FAM13A: variants seen among roughly 807,000 people sequenced by gnomAD.
FAM13A encodes family with sequence similarity 13 member A.
In FAM13A, 76 loss-of-function variants were observed where a neutral mutation model predicts 129.6. The ratio of observed to expected loss-of-function variants is 0.59; its 90% confidence interval spans 0.49 to 0.71. The LOEUF is 0.71. Among genes scored for constraint, FAM13A ranks in the 30% least tolerant of loss-of-function variants. The pLI is 0.00. For synonymous variants in FAM13A, 443 were observed against 449.9 expected, an observed-to-expected ratio of 0.98 and a Z score of 0.20; for missense variants, 1,108 against 1,249.3, an observed-to-expected ratio of 0.89 and a Z score of 1.70.
chr4:88,845,370 G>C (rs868724078), intron 7 of FAM13A, among the ~76,000 whole-genome samples: 4 of 152,132 alleles, frequency 2.6e-5, no homozygotes. Flanking sequence ...CTAGGACTGA[G>C]CTCAGGCCTG....
At chr4:89,042,486 G>A (rs552839396) in intron 1 of FAM13A, among the ~76,000 whole-genome samples, 99 of 152,232 alleles carry the variant, frequency 6.5e-4, no homozygotes, top group Admixed American at 1.1e-3. Context: ...AAAGCAGTTC[G>A]TAGATATCTT....
At chr4:88,736,090 G>T (rs984010893) in intron 21 of FAM13A, among the ~76,000 whole-genome samples, 1 of 151,964 alleles carries the variant, frequency 6.6e-6, no homozygotes, top group Admixed American at 6.6e-5. Flanking sequence ...TTTCATTCTT[G>T]GGTGACATTA....
chr4:88,936,525 A>G (rs1390500701), intron 5 of FAM13A: 1 of 152,252 alleles, frequency 6.6e-6, no homozygotes, highest in Non-Finnish European at 1.5e-5. Context: ...TAAGTCATTC[A>G]CGAAGGATCC....
chr4:88,995,767 T>C (rs1346543352), intron 3 of FAM13A, among the ~76,000 whole-genome samples: 2 of 152,174 alleles, frequency 1.3e-5, no homozygotes, highest in African/African-American at 2.4e-5. Flanking sequence ...CAAATACCCA[T>C]CTATTCCATT....
intron 6 of FAM13A, among the ~76,000 whole-genome samples, chr4:88,881,120 C>T (rs949929608): frequency 6.6e-6 from 1 of 152,202 alleles, no homozygotes; most frequent in African/African-American, 2.4e-5. Context: ...CCTATACTGC[C>T]ACAGCTAATG....
At chr4:88,864,363 T>A (rs1447719565) in intron 6 of FAM13A, among the ~76,000 whole-genome samples, 3 of 152,334 alleles carry the variant, frequency 2.0e-5, no homozygotes, top group Middle Eastern at 3.4e-3. Flanking sequence ...TCTTTCAGAG[T>A]TATTAAATCA....
chr4:88,989,186 T>TGTTGA (rs1762631441), intron 4 of FAM13A, among the ~76,000 whole-genome samples: 2 of 147,938 alleles, frequency 1.4e-5, no homozygotes, highest in African/African-American at 5.1e-5. Flanking sequence ...CCAACCTGGG[T>TGTTGA]GACAGAGCCA....
At chr4:88,993,906 G>A (rs1763224453) in intron 3 of FAM13A, among the ~76,000 whole-genome samples, 1 of 151,660 alleles carries the variant, frequency 6.6e-6, no homozygotes, top group South Asian at 2.1e-4. Flanking sequence ...CAGGAGAATC[G>A]CTTGAACCTG....
intron 6 of FAM13A, among the ~76,000 whole-genome samples, chr4:88,865,282 T>C (rs1482920744): frequency 2.0e-5 from 3 of 152,212 alleles, no homozygotes; most frequent in East Asian, 1.9e-4. Context: ...ACCAGTGTGA[T>C]TTCTTAATTA....
intron 6 of FAM13A, among the ~76,000 whole-genome samples, chr4:88,885,192 C>G (rs1213458406): frequency 6.6e-6 from 1 of 152,068 alleles, no homozygotes; most frequent in East Asian, 1.9e-4. Flanking sequence ...AAAAAAGAGC[C>G]TGAATGGCCA....
chr4:88,988,419 T>C (rs1039639123), intron 4 of FAM13A, among the ~76,000 whole-genome samples: 2 of 152,218 alleles, frequency 1.3e-5, no homozygotes, highest in Non-Finnish European at 2.9e-5. Flanking sequence ...ATAATAAGTA[T>C]ATTACGGTTA....
intron 20 of FAM13A, 41 bp downstream of exon 20, chr4:88,738,989 G>C: frequency 6.2e-6 from 8 of 1,284,044 alleles, no homozygotes; most frequent in Non-Finnish European, 6.8e-6. Context: ...CCATTCAAGC[G>C]GAAAGGTGTT....
intron 4 of FAM13A, among the ~76,000 whole-genome samples, chr4:88,945,937 C>T (rs1755668933): frequency 8.8e-6 from 1 of 113,964 alleles, no homozygotes; most frequent in African/African-American, 3.4e-5. Context: ...ATATTATATG[C>T]ATAGTATATT....
chr4:88,893,410 G>T (rs1745696315), intron 6 of FAM13A, among the ~76,000 whole-genome samples: 1 of 152,166 alleles, frequency 6.6e-6, no homozygotes, highest in Non-Finnish European at 1.5e-5. Context: ...GGATCACGAG[G>T]TCATGAGATT....
intron 14 of FAM13A, among the ~76,000 whole-genome samples, chr4:88,756,831 TA>T (rs1278240305): frequency 6.6e-6 from 1 of 151,696 alleles, no homozygotes; most frequent in Non-Finnish European, 1.5e-5. Flanking sequence ...AATAAGTACA[TA>T]AGCTTAAAAA....
intron 3 of FAM13A, among the ~76,000 whole-genome samples, chr4:89,008,309 A>G (rs918562181): frequency 6.6e-6 from 1 of 152,204 alleles, no homozygotes; most frequent in Non-Finnish European, 1.5e-5. Flanking sequence ...TGAGGCCACA[A>G]GGGTTGGCTC....
intron 4 of FAM13A, among the ~76,000 whole-genome samples, chr4:88,983,920 T>C (rs971551397): frequency 6.6e-6 from 1 of 152,154 alleles, no homozygotes; most frequent in Non-Finnish European, 1.5e-5. Flanking sequence ...AGCTATAGAA[T>C]TATCAAAATA....
At chr4:88,930,966 A>G (rs549003503) in intron 5 of FAM13A, among the ~76,000 whole-genome samples, 15 of 152,160 alleles carry the variant, frequency 9.9e-5, no homozygotes, top group Non-Finnish European at 2.2e-4. Flanking sequence ...TGTTGCCTCA[A>G]ACTTGGCTTA....
chr4:88,728,280 T>G lies in FAM13A; in HGVS notation c.*253A>C. The stretch of plus-strand genomic sequence containing the variant: ...ACTACTGTGTGTGTGTGTGCGTGCA[T>G]GCGCGTGCGCATGTGCACATACTGC... On this transcript the variant is annotated 3_prime_UTR_variant, in exon 24 of 24. Transcript: ENST00000264344. 1.9e-6 allele frequency: 1 copy of G among 530,326 alleles called. No homozygotes were observed. The highest frequency in any genetic ancestry group is 3.4e-6 in the Non-Finnish European group (1 of 293,058). 32.9% of individuals were successfully genotyped at this position (530,326 alleles called of 1,614,324 possible).
Sources: allele counts gnomAD v4.1 joint callset (sites outside exome capture counted in the v4.1 genomes callset), GRCh38; gene constraint gnomAD v4.1.1; transcripts MANE v1.5; gene names NCBI Gene and HGNC (gene_info 2026-07-23, HGNC 2026-07-21).